The following ZNF804B variants were observed in gnomAD, a reference collection of about 807,000 sequenced individuals.
The protein encoded by ZNF804B is zinc finger protein 804B.
Under a neutral mutation model 101.4 loss-of-function variants are expected in ZNF804B, and 80 were observed. The ratio of observed to expected loss-of-function variants is 0.79; its 90% CI spans 0.66 to 0.95. The LOEUF (loss-of-function observed/expected upper bound fraction) is 0.95, where lower values mean the gene tolerates loss of function less well. Among genes scored for constraint, ZNF804B ranks in the 40% least tolerant of loss-of-function variants. The pLI is 0.00. For synonymous variants in ZNF804B, 622 were observed against 558.8 expected, an observed-to-expected ratio of 1.11 and a Z score of -1.59; for missense variants, 1,673 against 1,561.9, an observed-to-expected ratio of 1.07 and a Z score of -1.20.
At chr7:88,867,183 A>T (rs902424505) in intron 1 of ZNF804B, among the ~76,000 whole-genome samples, 3 of 151,884 alleles carry the variant, frequency 2.0e-5, no homozygotes, top group Non-Finnish European at 2.9e-5. Context: ...CCAATAGGAG[A>T]TATATATATA....
chr7:89,295,265 T>C (rs1325077498), intron 2 of ZNF804B, among the ~76,000 whole-genome samples: 2 of 152,140 alleles, frequency 1.3e-5, no homozygotes, highest in African/African-American at 2.4e-5. Flanking sequence ...CTATATTTGT[T>C]GTAGGAGAAA....
At chr7:89,191,184 G>A (rs1040464069) in intron 1 of ZNF804B, among the ~76,000 whole-genome samples, 7 of 151,670 alleles carry the variant, frequency 4.6e-5, no homozygotes, top group Non-Finnish European at 8.8e-5. Context: ...AAGTCTTCAA[G>A]AACAACATAA....
At chr7:88,917,308 C>A (rs1055303961) in intron 1 of ZNF804B, among the ~76,000 whole-genome samples, 1 of 151,996 alleles carries the variant, frequency 6.6e-6, no homozygotes, top group Non-Finnish European at 1.5e-5. Flanking sequence ...TTCAAATGGT[C>A]TGAACCATGT....
intron 1 of ZNF804B, among the ~76,000 whole-genome samples, chr7:89,141,641 G>T (rs113718463): frequency 3.3e-5 from 5 of 152,008 alleles, no homozygotes; most frequent in African/African-American, 1.2e-4. Context: ...TCACCATATT[G>T]TCTTTTGCAA....
chr7:89,043,852 C>T (rs6957715), intron 1 of ZNF804B, among the ~76,000 whole-genome samples: 70,171 of 151,764 alleles, frequency 0.46, 16,848 homozygotes, highest in Non-Finnish European at 0.53. Flanking sequence ...CCAGGGACCT[C>T]CTTTAATAAG....
chr7:89,218,195 A>G lies in ZNF804B; in HGVS notation c.149A>G (p.Asp50Gly), dbSNP rs1788926412. Residue 50 changes from aspartate (D) to glycine (G), a missense_variant, in exon 2 of 4, where the codon GAT becomes GGT. Transcript: ENST00000333190. The part of the protein sequence containing the change: ...EKKSTAKALE[D>G]VKANFYCELC... ...AAGTCCACAGCAAAGGCCCTGGAAG[A>G]TGTAAAGGCAAACTTTTACTGTGAA... The G allele has an allele frequency of 6.2e-7, 1 of 1,613,890 alleles. No homozygotes were observed. The highest frequency in any genetic ancestry group is 8.5e-7 in the Non-Finnish European group (1 of 1,179,838).
rs528013603 is a variant in ZNF804B, at chr7:89,193,533, A to G, written c.109-24622A>G. On this transcript the variant is annotated intron_variant, in intron 1 of 3. Transcript: ENST00000333190. Reference sequence around the variant, plus strand: ...TGTGTCCATTTGTTCTCATTGTTCAATTCCCACCTATGAGTGATAACATGT... The same window carrying G: ...TGTGTCCATTTGTTCTCATTGTTCAGTTCCCACCTATGAGTGATAACATGT... 1.5e-3 allele frequency among the ~76,000 whole-genome samples: 203 copies of G among 139,116 alleles called. 1 individual carries two copies. Among genetic ancestry groups the G allele is most frequent in the African/African-American group, 4.9e-3 (180 of 36,922 alleles). The allele number at this position is 139,116 out of a possible 152,430, so 91.3% of individuals were successfully genotyped here.
chr7:88,891,924 C>G (rs1359750939), intron 1 of ZNF804B, among the ~76,000 whole-genome samples: 1 of 152,006 alleles, frequency 6.6e-6, no homozygotes, highest in African/African-American at 2.4e-5. Context: ...CTTCCTGTGT[C>G]CAAGTGTTCT....
intron 1 of ZNF804B, among the ~76,000 whole-genome samples, chr7:88,966,113 C>A (rs1793450099): frequency 6.6e-6 from 1 of 151,390 alleles, no homozygotes; most frequent in African/African-American, 2.4e-5. Flanking sequence ...CTAAACCATG[C>A]AGTAGCCCAC....
intron 1 of ZNF804B, among the ~76,000 whole-genome samples, chr7:88,907,366 G>A (rs1292467208): frequency 4.0e-5 from 6 of 151,892 alleles, no homozygotes; most frequent in African/African-American, 1.4e-4. Context: ...ACTTGTTTAT[G>A]TCATCATCTT....
chr7:89,250,526 GT>G (rs1272633693), intron 2 of ZNF804B, among the ~76,000 whole-genome samples: 3 of 152,120 alleles, frequency 2.0e-5, no homozygotes, highest in Non-Finnish European at 4.4e-5. Flanking sequence ...ATAAGAGCTG[GT>G]ACTAATCTTC....
intron 1 of ZNF804B, among the ~76,000 whole-genome samples, chr7:89,105,484 C>A (rs1323182405): frequency 2.6e-5 from 4 of 151,984 alleles, no homozygotes; most frequent in Admixed American, 2.6e-4. Context: ...ATTCCCTACC[C>A]TTATATGCAT....
At chr7:88,967,734 A>G (rs1047320236) in intron 1 of ZNF804B, among the ~76,000 whole-genome samples, 1 of 135,496 alleles carries the variant, frequency 7.4e-6, no homozygotes, top group African/African-American at 2.7e-5. Context: ...AAAAAAAAAA[A>G]AAATCATGTG....
At chr7:88,768,756 A>T (rs566836480) in intron 1 of ZNF804B, among the ~76,000 whole-genome samples, 1 of 152,158 alleles carries the variant, frequency 6.6e-6, no homozygotes. Context: ...ACTGATTTTT[A>T]TGTGTTCAGT....
chr7:89,324,468 C>T (rs1790867310), intron 2 of ZNF804B, among the ~76,000 whole-genome samples: 1 of 151,724 alleles, frequency 6.6e-6, no homozygotes, highest in African/African-American at 2.4e-5. Flanking sequence ...TGACCTCACG[C>T]TTTTATCCAA....
intron 1 of ZNF804B, among the ~76,000 whole-genome samples, chr7:88,790,101 C>A (rs916603222): frequency 6.6e-6 from 1 of 151,986 alleles, no homozygotes; most frequent in East Asian, 1.9e-4. Flanking sequence ...ATGGTGCTGG[C>A]CACATCATTT....
intron 2 of ZNF804B, among the ~76,000 whole-genome samples, chr7:89,282,584 A>T (rs1790117084): frequency 6.6e-6 from 1 of 152,180 alleles, no homozygotes; most frequent in African/African-American, 2.4e-5. Flanking sequence ...TAATCTCTGC[A>T]ATCTGTATAT....
At chr7:88,982,557 G>T (rs2116136094) in intron 1 of ZNF804B, among the ~76,000 whole-genome samples, 1 of 152,120 alleles carries the variant, frequency 6.6e-6, no homozygotes, top group African/African-American at 2.4e-5. Flanking sequence ...TCACATAGTT[G>T]TCCCCAGGTC....
intron 1 of ZNF804B, among the ~76,000 whole-genome samples, chr7:89,041,768 G>A (rs1223076064): frequency 6.6e-6 from 1 of 152,150 alleles, no homozygotes; most frequent in East Asian, 1.9e-4. Flanking sequence ...AATGTGAACT[G>A]TCCTTGCTAC....
Sources: allele counts gnomAD v4.1 joint callset (sites outside exome capture counted in the v4.1 genomes callset), GRCh38; gene constraint gnomAD v4.1.1; transcripts MANE v1.5; gene names NCBI Gene and HGNC (gene_info 2026-07-23, HGNC 2026-07-21).